The following SCFD2 variants were observed in gnomAD, a reference collection of about 807,000 sequenced individuals.
SCFD2 encodes the protein sec1 family domain containing 2, also known as sec1 family domain-containing protein 2.
In SCFD2, 54 loss-of-function variants were observed where a neutral mutation model predicts 58.9. That is an observed-to-expected ratio of 0.92 (90% CI 0.74 to 1.15). The LOEUF (loss-of-function observed/expected upper bound fraction) is 1.15. Among genes scored for constraint, SCFD2 ranks in the 50% most tolerant of loss-of-function variants. The pLI, the probability that SCFD2 is intolerant of heterozygous loss-of-function variation, is 0.00. For synonymous variants in SCFD2, 321 were observed against 335.9 expected (o/e 0.96, Z 0.49); for missense variants, 805 against 836.6 (o/e 0.96, Z 0.47).
At chr4:53,065,379 A>C (rs1039613522) in intron 5 of SCFD2, among the ~76,000 whole-genome samples, 4 of 152,112 alleles carry the variant, frequency 2.6e-5, no homozygotes, top group African/African-American at 9.7e-5. Context: ...AAAGAAAATG[A>C]ATACTTCTAC....
chr4:52,924,513 C>T (rs981726203), intron 5 of SCFD2, among the ~76,000 whole-genome samples: 2 of 152,112 alleles, frequency 1.3e-5, no homozygotes, highest in African/African-American at 4.8e-5. Context: ...GTCTATTTTT[C>T]AAGCCAACTG....
In SCFD2 at chr4:53,365,091, G is replaced by A. The variant is rs769838523; in HGVS notation, c.838+13C>T. The A allele has an allele frequency of 6.2e-6, 10 of 1,611,388 alleles. No individual in the cohort carries two copies. The highest frequency in any genetic ancestry group is 7.6e-6 in the Non-Finnish European group (9 of 1,178,716). On this transcript the variant is annotated intron_variant, in intron 1 of 8. Transcript: ENST00000401642. The surrounding 1 kb of genome is among the most constrained non-coding windows in gnomAD (Gnocchi z 4.3). Reference sequence around the variant, plus strand: ...GGGAATGGTAATGAAGAACTCCAGAGCAATGCACTTACCTGTGAGATCCAG... The same window carrying A: ...GGGAATGGTAATGAAGAACTCCAGAACAATGCACTTACCTGTGAGATCCAG...
chr4:53,105,997 G>A (rs1724990699), intron 5 of SCFD2, among the ~76,000 whole-genome samples: 2 of 152,026 alleles, frequency 1.3e-5, no homozygotes, highest in South Asian at 2.1e-4. Flanking sequence ...CCAGAGGAAG[G>A]AACAGGCAGT....
intron 2 of SCFD2, among the ~76,000 whole-genome samples, chr4:53,336,860 C>A (rs928206735): frequency 6.6e-6 from 1 of 152,112 alleles, no homozygotes; most frequent in Admixed American, 6.5e-5. Flanking sequence ...GCTTTGGTTT[C>A]TCCATACAAT....
chr4:53,247,534 A>G lies in SCFD2; in HGVS notation c.1311+26292T>C, dbSNP rs183136296. On this transcript the variant is annotated intron_variant, in intron 4 of 8. Transcript: ENST00000401642. ...ACTGGATAAAGAAAATGTGATACAT[A>G]TACACCATGGAATACTATGCAGCCA... Among the ~76,000 whole-genome samples, 377 of 152,352 alleles carry G rather than the reference A, an allele frequency of 2.5e-3. 2 individuals carry two copies. The highest frequency in any genetic ancestry group is 4.8e-3 in the Non-Finnish European group (328 of 68,030).
In SCFD2 at chr4:52,897,112, T is replaced by G. The variant is rs371946413; in HGVS notation, c.1842+10345A>C. Among the ~76,000 whole-genome samples, 81 of 152,306 alleles carry G rather than the reference T, an allele frequency of 5.3e-4. 1 individual carries two copies. The East Asian group carries it at 0.013, about 25-fold the overall frequency. On this transcript the variant is annotated intron_variant, in intron 7 of 8. Coordinates refer to ENST00000401642, the MANE Select transcript of SCFD2 (RefSeq NM_152540.4). ...TCATGTCATCTGCAAACAGGGACAA[T>G]TTGACTTCCTCTTTTCCTAATTGAA...
chr4:52,959,577 C>T (rs1720795875), intron 5 of SCFD2, among the ~76,000 whole-genome samples: 1 of 152,076 alleles, frequency 6.6e-6, no homozygotes, highest in African/African-American at 2.4e-5. Context: ...TTCAATGGGG[C>T]CCAAAGTTAA....
intron 5 of SCFD2, among the ~76,000 whole-genome samples, chr4:52,967,107 C>T (rs914985070): frequency 1.3e-5 from 2 of 152,184 alleles, no homozygotes. Context: ...CAATATTTGT[C>T]CTTTTATTTT....
At chr4:53,091,382 A>G (rs1388106474) in intron 5 of SCFD2, among the ~76,000 whole-genome samples, 2 of 150,856 alleles carry the variant, frequency 1.3e-5, no homozygotes, top group Non-Finnish European at 3.0e-5. Flanking sequence ...AAAAAAAAGA[A>G]CTCTGGCAAC....
intron 5 of SCFD2, among the ~76,000 whole-genome samples, chr4:52,925,349 T>C (rs980539978): frequency 4.5e-5 from 6 of 132,942 alleles, no homozygotes; most frequent in Non-Finnish European, 9.1e-5. Context: ...CATATATATA[T>C]ATATACATAT....
At chr4:53,157,232 T>C (rs1026064501) in intron 4 of SCFD2, among the ~76,000 whole-genome samples, 1 of 152,194 alleles carries the variant, frequency 6.6e-6, no homozygotes, top group African/African-American at 2.4e-5. Flanking sequence ...AAATGACCAA[T>C]GCATGATGTA....
intron 4 of SCFD2, among the ~76,000 whole-genome samples, 198 bp from the exon 5 acceptor site, chr4:53,145,780 A>G (rs1289811144): frequency 6.6e-6 from 1 of 152,206 alleles, no homozygotes; most frequent in Non-Finnish European, 1.5e-5. Flanking sequence ...TGAAAGTCCT[A>G]ATTTATAAAA....
At chr4:53,032,659 T>C (rs1228913865) in intron 5 of SCFD2, among the ~76,000 whole-genome samples, 1 of 152,074 alleles carries the variant, frequency 6.6e-6, no homozygotes, top group Non-Finnish European at 1.5e-5. Flanking sequence ...AAACAGGGGT[T>C]GCAATCCTAA....
At chr4:52,970,260 T>A (rs1457037964) in intron 5 of SCFD2, among the ~76,000 whole-genome samples, 1 of 152,222 alleles carries the variant, frequency 6.6e-6, no homozygotes, top group Non-Finnish European at 1.5e-5. Flanking sequence ...GGGAATTCCC[T>A]TTCCTAGTCA....
chr4:53,275,929 A>T (rs1731312737), intron 3 of SCFD2, among the ~76,000 whole-genome samples: 1 of 151,956 alleles, frequency 6.6e-6, no homozygotes, highest in Non-Finnish European at 1.5e-5. Flanking sequence ...CCATTTATTT[A>T]TCTATTCACT....
rs113009794 is a variant in SCFD2 at position 53,359,566 on chromosome 4, A to C, written c.838+5538T>G. ...AAAGTGAAATCCCTGTCTTTACAAA[A>C]AATAAAACGTAAAACCCTTCTGATT... is the stretch of plus-strand genomic sequence containing the variant. On this transcript the variant is annotated intron_variant, in intron 1 of 8. Coordinates refer to ENST00000401642, the MANE Select transcript of SCFD2 (RefSeq NM_152540.4). Among the ~76,000 whole-genome samples, 940 of 152,288 alleles carry C rather than the reference A, an allele frequency of 6.2e-3. 14 individuals are homozygous for C. Among genetic ancestry groups the C allele is most frequent in the African/African-American group, 0.022 (909 of 41,562 alleles).
At chr4:52,947,053 A>G (rs932942953) in intron 5 of SCFD2, among the ~76,000 whole-genome samples, 6 of 152,136 alleles carry the variant, frequency 3.9e-5, no homozygotes, top group Non-Finnish European at 4.4e-5. Context: ...CAGCTGTCAG[A>G]GCTGAGTTGG....
chr4:53,189,086 T>C (rs149625437), intron 4 of SCFD2, among the ~76,000 whole-genome samples: 5 of 152,328 alleles, frequency 3.3e-5, no homozygotes, highest in South Asian at 2.1e-4. Context: ...ACAAGAATTA[T>C]CAGCCTTAAA....
chr4:52,881,486 T>C (rs1718607918), intron 8 of SCFD2, among the ~76,000 whole-genome samples: 1 of 152,232 alleles, frequency 6.6e-6, no homozygotes. Flanking sequence ...AGTAGGAATG[T>C]CTCTAGCTTG....
Sources: gnomAD v4.1 joint callset for allele counts (sites outside exome capture counted in the v4.1 genomes callset) on GRCh38, gnomAD v4.1.1 for gene constraint, Gnocchi (gnomAD v3.1) non-coding constraint, MANE v1.5 for transcripts, NCBI Gene and HGNC (gene_info 2026-07-23, HGNC 2026-07-21) for gene names.